The following LRMDA variants were observed in gnomAD, a reference collection of about 807,000 sequenced individuals.
LRMDA encodes leucine rich melanocyte differentiation associated, also known as leucine-rich melanocyte differentiation-associated protein.
A neutral mutation model predicts 29.8 loss-of-function variants in LRMDA; 18 were observed. That is an observed-to-expected ratio of 0.60 (90% confidence interval 0.42 to 0.90). The LOEUF is 0.90. LRMDA is among the 40% of genes least tolerant of loss of function. LRMDA has a pLI of 0.00. For synonymous variants in LRMDA, 125 were observed against 109.4 expected (o/e 1.14, Z -0.89); for missense variants, 273 against 273.9 (o/e 1.00, Z 0.02).
intron 6 of LRMDA, among the ~76,000 whole-genome samples, chr10:76,456,836 C>T (rs921559559): frequency 9.2e-5 from 14 of 152,134 alleles, no homozygotes; most frequent in African/African-American, 3.4e-4. Flanking sequence ...ATGTCACCTC[C>T]TTCTTCCCTT....
At chr10:76,105,422 T>TG (rs967984195) in intron 5 of LRMDA, among the ~76,000 whole-genome samples, 8 of 130,456 alleles carry the variant, frequency 6.1e-5, no homozygotes, top group East Asian at 2.4e-4. Context: ...ATTTGGGGGG[T>TG]GGGGGGGAAG....
At chr10:75,547,446 C>T (rs1468238495) in intron 2 of LRMDA, among the ~76,000 whole-genome samples, 4 of 152,204 alleles carry the variant, frequency 2.6e-5, no homozygotes, top group Non-Finnish European at 5.9e-5. Context: ...ATCTTTCCTT[C>T]GTCTGCTGAA....
At chr10:75,578,408 T>G (rs933310314) in intron 2 of LRMDA, among the ~76,000 whole-genome samples, 1 of 151,636 alleles carries the variant, frequency 6.6e-6, no homozygotes, top group African/African-American at 2.4e-5. Context: ...TAAAGCAAGT[T>G]CTTAGAGACC....
intron 5 of LRMDA, among the ~76,000 whole-genome samples, chr10:76,100,380 C>G (rs1243334168): frequency 6.6e-6 from 1 of 152,212 alleles, no homozygotes; most frequent in East Asian, 1.9e-4. Context: ...CCCCATCTCA[C>G]AGATTGATTT....
chr10:75,749,194 T>C (rs1382900850), intron 2 of LRMDA, among the ~76,000 whole-genome samples: 2 of 152,240 alleles, frequency 1.3e-5, no homozygotes, highest in African/African-American at 4.8e-5. Context: ...CATGATTTCC[T>C]TAGTAACATT....
chr10:75,697,271 A>G (rs1404350237), intron 2 of LRMDA, among the ~76,000 whole-genome samples: 1 of 151,800 alleles, frequency 6.6e-6, no homozygotes, highest in Non-Finnish European at 1.5e-5. Context: ...TGTCTGTTTC[A>G]GTAGAGTTAG....
intron 5 of LRMDA, among the ~76,000 whole-genome samples, chr10:76,211,628 AG>A (rs558752964): frequency 1.4e-4 from 22 of 152,342 alleles, no homozygotes; most frequent in South Asian, 4.1e-4. Flanking sequence ...GACTTGCACA[AG>A]ATAGGTTTTT....
chr10:76,326,183 T>C (rs896173872), intron 6 of LRMDA, among the ~76,000 whole-genome samples: 1 of 152,120 alleles, frequency 6.6e-6, no homozygotes. Flanking sequence ...AGGAGACCAA[T>C]AGAGAGAAGA....
intron 2 of LRMDA, among the ~76,000 whole-genome samples, chr10:75,918,319 G>T (rs1361319571): frequency 1.3e-5 from 2 of 152,070 alleles, no homozygotes; most frequent in African/African-American, 4.8e-5. Flanking sequence ...GCCTTAGTTG[G>T]CTCACAGTTC....
intron 6 of LRMDA, among the ~76,000 whole-genome samples, chr10:76,394,796 T>C (rs151242928): frequency 6.6e-6 from 1 of 152,212 alleles, no homozygotes; most frequent in Non-Finnish European, 1.5e-5. Flanking sequence ...ATTTTAGTAA[T>C]TGATTGGATG....
At chr10:75,770,439 C>G (rs980616854) in intron 2 of LRMDA, among the ~76,000 whole-genome samples, 6 of 152,106 alleles carry the variant, frequency 3.9e-5, no homozygotes, top group African/African-American at 1.4e-4. Context: ...ATGTATTTCA[C>G]CATAATTTTT....
Position 75,435,765 on chromosome 10 carries a change from G to T in LRMDA, c.31-2629G>T, listed in dbSNP as rs542409778. On this transcript the variant is annotated intron_variant, in intron 1 of 6. Transcript: ENST00000611255. ...TCCTTTGAATGGAATTCCTACAGAA[G>T]AAAAAGGGAAGCAAATATCCCTCTC... Among the ~76,000 whole-genome samples, 8 of 152,214 alleles carry T rather than the reference G, an allele frequency of 5.3e-5. 1 individual carries two copies. The South Asian group carries it at 1.7e-3, about 32-fold the overall frequency.
At chr10:76,470,026 G>A (rs1227716796) in intron 6 of LRMDA, among the ~76,000 whole-genome samples, 3 of 151,832 alleles carry the variant, frequency 2.0e-5, no homozygotes, top group Non-Finnish European at 4.4e-5. Flanking sequence ...AAACCAATAG[G>A]ATGGCATAAT....
chr10:76,392,371 T>C (rs930456589), intron 6 of LRMDA, among the ~76,000 whole-genome samples: 2 of 152,150 alleles, frequency 1.3e-5, no homozygotes, highest in African/African-American at 4.8e-5. Context: ...TGTACAAATG[T>C]TTTGAATTAT....
At chr10:76,011,330 A>G (rs1464990784) in intron 2 of LRMDA, among the ~76,000 whole-genome samples, 2 of 152,162 alleles carry the variant, frequency 1.3e-5, no homozygotes, top group African/African-American at 4.8e-5. Context: ...GGTGTAGTCC[A>G]CCCAGAAGAA....
In LRMDA at chr10:76,119,333, T is replaced by C. The variant is rs142311412; in HGVS notation, c.516+60550T>C. 1.2e-3 allele frequency among the ~76,000 whole-genome samples: 176 copies of C among 152,252 alleles called. 2 individuals are homozygous for C. In the Middle Eastern group the frequency reaches 0.031, roughly 26 times the overall value. On this transcript the variant is annotated intron_variant, in intron 5 of 6. Transcript: ENST00000611255. ...GGGCAGCATAGATTGCTTCTGCTGC[T>C]GAGGCTGGGGTCTGTGGGTAGCAAA...
chr10:75,503,680 G>A (rs1845140820), intron 2 of LRMDA, among the ~76,000 whole-genome samples: 1 of 151,850 alleles, frequency 6.6e-6, no homozygotes, highest in Non-Finnish European at 1.5e-5. Context: ...CTGTCTAATG[G>A]GTCATTAAGT....
chr10:76,174,129 G>A (rs537769459), intron 5 of LRMDA, among the ~76,000 whole-genome samples: 16 of 152,110 alleles, frequency 1.1e-4, no homozygotes, highest in South Asian at 4.2e-4. Context: ...TACACTTTCC[G>A]TTTCATTCTG....
chr10:76,019,175 A>G (rs772414749), intron 2 of LRMDA, among the ~76,000 whole-genome samples: 5 of 152,188 alleles, frequency 3.3e-5, no homozygotes, highest in African/African-American at 7.2e-5. Flanking sequence ...GGACAGCACA[A>G]ATGCTAATAT....
Sources: allele counts gnomAD v4.1 joint callset (sites outside exome capture counted in the v4.1 genomes callset), GRCh38; gene constraint gnomAD v4.1.1; transcripts MANE v1.5; gene names NCBI Gene and HGNC (gene_info 2026-07-23, HGNC 2026-07-21).